Variants in DCLK1 observed in about 807,000 individuals in gnomAD.
The protein encoded by DCLK1 is serine/threonine-protein kinase DCLK1.
Under a neutral mutation model 86.2 loss-of-function variants are expected in DCLK1, and 16 were observed. The ratio of observed to expected loss-of-function variants is 0.19; its 90% confidence interval spans 0.13 to 0.28. The LOEUF (loss-of-function observed/expected upper bound fraction) is 0.28. DCLK1 is among the 10% of genes least tolerant of loss of function. DCLK1 has a pLI of 1.00. For missense variants in DCLK1, 590 were observed against 940.2 expected (o/e 0.63, Z 4.87); for synonymous variants, 369 against 370.5 (o/e 1.00, Z 0.05).
chr13:35,973,172 G>A (rs777957909), intron 3 of DCLK1, among the ~76,000 whole-genome samples: 6 of 152,276 alleles, frequency 3.9e-5, no homozygotes, highest in Admixed American at 1.3e-4. Flanking sequence ...AACACACTGC[G>A]TTCTCCAGGT....
At chr13:35,793,504 G>C (rs1926459) in intron 15 of DCLK1, 25 bp from the exon 16 acceptor site, 411,265 of 1,545,936 alleles carry the variant, frequency 0.27, 56,573 homozygotes, top group East Asian at 0.37. Flanking sequence ...ATAAAGAGAA[G>C]AGAAAAAGAA....
intron 2 of DCLK1, among the ~76,000 whole-genome samples, chr13:36,116,807 C>A (rs1885808043): frequency 6.6e-6 from 1 of 152,168 alleles, no homozygotes; most frequent in African/African-American, 2.4e-5. Flanking sequence ...AGGAAAAACT[C>A]AAATATGTAT....
chr13:35,819,157 T>A (rs2087337302), intron 11 of DCLK1, among the ~76,000 whole-genome samples: 1 of 152,132 alleles, frequency 6.6e-6, no homozygotes, highest in South Asian at 2.1e-4. Context: ...CCATGTAAAA[T>A]CATGGGCATG....
At chr13:35,931,875 C>T (rs143030179) in intron 4 of DCLK1, among the ~76,000 whole-genome samples, 2 of 152,288 alleles carry the variant, frequency 1.3e-5, no homozygotes, top group African/African-American at 4.8e-5. Flanking sequence ...TAATGATACA[C>T]AGGACCAATC....
At chr13:35,814,125 T>C (rs2087214120) in intron 11 of DCLK1, among the ~76,000 whole-genome samples, 1 of 152,178 alleles carries the variant, frequency 6.6e-6, no homozygotes, top group African/African-American at 2.4e-5. Context: ...TAGCACCTGC[T>C]ACGGCCTGAG....
chr13:35,871,292 G>C lies in DCLK1; in HGVS notation c.872C>G (p.Ser291Cys). ...STSYTKIASS[S>C]RRSTTKSPGP... ...TGGGCTCTTGGTGGTGCTCCTGCGG[G>C]ATGATGAAGCTATTTTGGTGTAAGA... is the stretch of plus-strand genomic sequence containing the variant. The change falls in exon 5 of 17, where the codon TCC (serine) becomes TGC (cysteine). Residue 291 changes from serine (S) to cysteine (C), a missense_variant. Around this residue, in one of 6 missense-constraint regions of DCLK1, gnomAD observed 195 missense variants for 365.1 expected, o/e 0.53. Coordinates refer to ENST00000360631, the MANE Select transcript of DCLK1 (RefSeq NM_001330071.2). 2 of 1,613,932 alleles carry C rather than the reference G, an allele frequency of 1.2e-6. No individual in the cohort carries two copies. The highest frequency in any genetic ancestry group is 4.5e-5 in the East Asian group (2 of 44,848).
intron 4 of DCLK1, among the ~76,000 whole-genome samples, chr13:35,878,810 T>C (rs974870729): frequency 1.3e-5 from 2 of 151,558 alleles, no homozygotes; most frequent in Non-Finnish European, 2.9e-5. Flanking sequence ...TTTTTTGAGA[T>C]AGTCTTGTTC....
intron 3 of DCLK1, among the ~76,000 whole-genome samples, chr13:36,103,756 A>G (rs1885300870): frequency 6.6e-6 from 1 of 152,202 alleles, no homozygotes; most frequent in Admixed American, 6.5e-5. Context: ...GTCTGCCACC[A>G]CAGACACCCT....
chr13:35,903,679 TACA>T (rs988420158), intron 4 of DCLK1, among the ~76,000 whole-genome samples: 4 of 151,856 alleles, frequency 2.6e-5, no homozygotes, highest in South Asian at 2.1e-4. Context: ...ACGAATGTTC[TACA>T]ACAAGACTAT....
chr13:35,911,767 T>C (rs1875047680), intron 4 of DCLK1, among the ~76,000 whole-genome samples: 1 of 152,156 alleles, frequency 6.6e-6, no homozygotes, highest in Non-Finnish European at 1.5e-5. Context: ...TAGTGGTCAG[T>C]CATCGCAAAG....
intron 4 of DCLK1, among the ~76,000 whole-genome samples, chr13:35,898,034 A>G (rs146301855): frequency 6.6e-6 from 1 of 152,344 alleles, no homozygotes; most frequent in African/African-American, 2.4e-5. Flanking sequence ...GATTTAAAAT[A>G]TATGATCTAA....
chr13:35,780,998 C>T (rs919300017), intron 16 of DCLK1, among the ~76,000 whole-genome samples: 3 of 152,250 alleles, frequency 2.0e-5, no homozygotes, highest in African/African-American at 7.2e-5. Flanking sequence ...TGACAGTATC[C>T]TCCACATGTG....
rs1226702770 is a variant in DCLK1, at chr13:35,773,371, G to T, written c.*1164C>A. On this transcript the variant is annotated 3_prime_UTR_variant, in exon 17 of 17. Coordinates refer to ENST00000360631, the MANE Select transcript of DCLK1 (RefSeq NM_001330071.2). ...GTCTTTCATCCTGATCTTCCTAGGA[G>T]ACTATATAGGTAACCTAAAGGTGCA... is the stretch of plus-strand genomic sequence containing the variant. 4 of 152,078 alleles carry T rather than the reference G, an allele frequency of 2.6e-5. No individual in the cohort carries two copies. Among genetic ancestry groups the T allele is most frequent in the African/African-American group, 9.7e-5 (4 of 41,328 alleles). 9.4% of individuals were successfully genotyped at this position (152,078 alleles called of 1,614,324 possible).
intron 4 of DCLK1, among the ~76,000 whole-genome samples, chr13:35,884,384 A>G (rs1349641692): frequency 6.6e-6 from 1 of 152,216 alleles, no homozygotes; most frequent in Non-Finnish European, 1.5e-5. Flanking sequence ...AAGAGTTCAT[A>G]TATATTGTCA....
chr13:35,975,754 C>G lies in DCLK1; in HGVS notation c.724-28297G>C, dbSNP rs1001109583. Among the ~76,000 whole-genome samples, 5 of 152,314 alleles carry G rather than the reference C, an allele frequency of 3.3e-5. No homozygotes were observed. The South Asian group carries it at 1.0e-3, about 32-fold the overall frequency. Reference sequence around the variant, plus strand: ...GGCTCTGCCCTAACTCACCTGAAATCACCAGAAGGATCTCCTACCAGTGGA... The same window carrying G: ...GGCTCTGCCCTAACTCACCTGAAATGACCAGAAGGATCTCCTACCAGTGGA... On this transcript the variant is annotated intron_variant, in intron 3 of 16. Transcript: ENST00000360631.
rs759708418 is a variant in DCLK1 at position 35,810,794 on chromosome 13, C to A, written c.1688+41G>T. The A allele has an allele frequency of 2.5e-6, 4 of 1,604,184 alleles. No individual in the cohort carries two copies. The African/African-American group carries it at 5.4e-5, about 22-fold the overall frequency. The stretch of plus-strand genomic sequence containing the variant: ...TTCCTATTCTCGAAGCGGGCTAGTT[C>A]TTTTGCAAGCATAGCACTTAAACAT... On this transcript the variant is annotated intron_variant, in intron 12 of 16. Transcript: ENST00000360631.
intron 6 of DCLK1, among the ~76,000 whole-genome samples, chr13:35,843,170 C>T (rs1869936449): frequency 6.6e-6 from 1 of 152,126 alleles, no homozygotes; most frequent in Admixed American, 6.5e-5. Context: ...AGTCCACATG[C>T]CAACAAGATT....
At chr13:35,994,651 T>A (rs1317582578) in intron 3 of DCLK1, among the ~76,000 whole-genome samples, 3 of 152,230 alleles carry the variant, frequency 2.0e-5, no homozygotes, top group African/African-American at 4.8e-5. Context: ...TTGGCTTGGA[T>A]GAATGGGCGG....
intron 4 of DCLK1, among the ~76,000 whole-genome samples, chr13:35,933,651 T>C (rs1168357765): frequency 6.6e-6 from 1 of 152,160 alleles, no homozygotes; most frequent in African/African-American, 2.4e-5. Context: ...CTTTTAGCCA[T>C]GGCTAGAGTG....
Sources: allele counts gnomAD v4.1 joint callset (sites outside exome capture counted in the v4.1 genomes callset), GRCh38; gene constraint gnomAD v4.1.1; regional missense constraint gnomAD v4.1.1; transcripts MANE v1.5; gene names NCBI Gene and HGNC (gene_info 2026-07-23, HGNC 2026-07-21).